The following FGF13 variants were observed in gnomAD, a reference collection of about 807,000 sequenced individuals.
The protein encoded by FGF13 is fibroblast growth factor homologous factor 2.
In FGF13, 2 loss-of-function variants were observed where a neutral mutation model predicts 19.5. That is an observed-to-expected ratio of 0.10 (90% CI 0.04 to 0.32). The LOEUF (loss-of-function observed/expected upper bound fraction) is 0.32, where lower values mean the gene tolerates loss of function less well. Ranked by LOEUF, FGF13 falls within the 10% of genes least tolerant of loss-of-function variation. The pLI is 1.00. For missense variants in FGF13, 113 were observed against 192.7 expected (o/e 0.59, Z 2.45); for synonymous variants, 72 against 76.9 (o/e 0.94, Z 0.33).
chrX:138,869,302 C>A (rs749040369), intron 1 of FGF13, among the ~76,000 whole-genome samples: 2 of 112,099 alleles, frequency 1.8e-5, no homozygotes, highest in African/African-American at 6.5e-5. Flanking sequence ...GTGGGCTGAT[C>A]TACAGAACCA....
chrX:138,790,584 C>G (rs951949622), intron 3 of FGF13, among the ~76,000 whole-genome samples: 3 of 111,906 alleles, frequency 2.7e-5, no homozygotes, highest in Non-Finnish European at 5.6e-5. Context: ...AACTCTTTCT[C>G]TCATCACCTT....
chrX:138,892,097 A>G (rs17001818), intron 1 of FGF13, among the ~76,000 whole-genome samples: 6,125 of 109,985 alleles, frequency 0.056, 510 homozygotes, highest in African/African-American at 0.19. Context: ...TAACAGGGAA[A>G]TAAGAGTTGA....
intron 1 of FGF13, among the ~76,000 whole-genome samples, chrX:139,168,624 C>T (rs2084105466): frequency 1.8e-5 from 2 of 111,775 alleles, no homozygotes; most frequent in Non-Finnish European, 3.8e-5. Flanking sequence ...AAGTTATTCA[C>T]GCCAAATTCA....
intron 1 of FGF13, among the ~76,000 whole-genome samples, chrX:138,906,661 G>A (rs1462737903): frequency 8.9e-6 from 1 of 112,213 alleles, no homozygotes; most frequent in Non-Finnish European, 1.9e-5. Flanking sequence ...CTCACTGAGT[G>A]TAACATTTGA....
chrX:138,772,456 G>A (rs2090554217), intron 3 of FGF13, among the ~76,000 whole-genome samples: 1 of 110,236 alleles, frequency 9.1e-6, no homozygotes, highest in South Asian at 3.9e-4. Flanking sequence ...TCAAATTATG[G>A]CACACTCAAC....
At chrX:138,853,828 G>C (rs947360698), downstream of FGF13, among the ~76,000 whole-genome samples, 2 of 111,265 alleles carry the variant, frequency 1.8e-5, no homozygotes, top group Admixed American at 9.6e-5. Flanking sequence ...ATTTTTCCCT[G>C]TAGATTTCCA....
intron 1 of FGF13, among the ~76,000 whole-genome samples, chrX:138,878,613 C>T (rs771515796): frequency 0.053 from 5,683 of 107,439 alleles, 431 homozygotes; most frequent in African/African-American, 0.19. Flanking sequence ...AATAAACATA[C>T]GTGTGCATGT....
intron 3 of FGF13, among the ~76,000 whole-genome samples, chrX:138,769,598 A>G (rs1017969416): frequency 8.9e-5 from 10 of 112,372 alleles, no homozygotes; most frequent in East Asian, 2.8e-4. Context: ...CGCTTGATAC[A>G]TGTTTTTACC....
At chrX:138,984,734 A>AGG in intron 1 of FGF13, among the ~76,000 whole-genome samples, 2 of 104,395 alleles carry the variant, frequency 1.9e-5, no homozygotes, top group Non-Finnish European at 2.0e-5. Context: ...CAAGAAGAAG[A>AGG]GAAGGAGGAG....
intron 1 of FGF13, among the ~76,000 whole-genome samples, chrX:138,870,056 A>T (rs2091349971): frequency 8.9e-6 from 1 of 112,282 alleles, no homozygotes; most frequent in African/African-American, 3.2e-5. Flanking sequence ...TGTCCTTAAA[A>T]TAGCGTTTAA....
At chrX:139,089,755 C>G (rs930600688) in intron 1 of FGF13, among the ~76,000 whole-genome samples, 1 of 112,249 alleles carries the variant, frequency 8.9e-6, no homozygotes, top group Non-Finnish European at 1.9e-5. Flanking sequence ...AGAAAAGATA[C>G]TTGTAGAGCT....
intron 1 of FGF13, among the ~76,000 whole-genome samples, chrX:139,036,160 C>T (rs768650906): frequency 1.8e-5 from 2 of 111,551 alleles, no homozygotes; most frequent in South Asian, 7.5e-4. Context: ...AGAAACATCC[C>T]GCCATCACAA....
intron 1 of FGF13, among the ~76,000 whole-genome samples, chrX:138,929,864 G>C (rs993017356): frequency 0.19 from 6,591 of 35,532 alleles, 203 homozygotes; most frequent in Admixed American, 0.28. Context: ...CTGTGTGTGT[G>C]TGTGTGTGTG....
At chrX:138,885,498 G>T (rs1330701266) in intron 1 of FGF13, among the ~76,000 whole-genome samples, 1 of 110,841 alleles carries the variant, frequency 9.0e-6, no homozygotes, top group Non-Finnish European at 1.9e-5. Flanking sequence ...TCTTTCCATG[G>T]GTCAGCCAAC....
intron 1 of FGF13, among the ~76,000 whole-genome samples, chrX:138,871,748 T>C (rs1409403321): frequency 9.1e-6 from 1 of 110,442 alleles, no homozygotes; most frequent in Non-Finnish European, 1.9e-5. Flanking sequence ...GGTCCTGAGA[T>C]AGGAGTGTGA....
At chrX:138,822,008 C>T (rs1410655783) in intron 3 of FGF13, among the ~76,000 whole-genome samples, 4 of 111,680 alleles carry the variant, frequency 3.6e-5, no homozygotes, top group Non-Finnish European at 1.9e-5. Context: ...ATGATGATGA[C>T]ATGATATGAT....
intron 1 of FGF13, among the ~76,000 whole-genome samples, chrX:139,063,215 T>G (rs1467327409): frequency 9.0e-6 from 1 of 111,445 alleles, no homozygotes; most frequent in Admixed American, 9.5e-5. Context: ...TATAACATTT[T>G]CTTCTTGTTT....
At chrX:139,131,252 C>A (rs1341440244) in intron 1 of FGF13, among the ~76,000 whole-genome samples, 1 of 111,094 alleles carries the variant, frequency 9.0e-6, no homozygotes, top group Non-Finnish European at 1.9e-5. Flanking sequence ...GTTCAAATCC[C>A]CACTCTATCA....
intron 1 of FGF13, among the ~76,000 whole-genome samples, chrX:139,162,837 A>G (rs190780154): frequency 4.3e-4 from 49 of 112,646 alleles, no homozygotes; most frequent in Non-Finnish European, 7.7e-4. Context: ...CAAAACCACA[A>G]TGAGATACCA....
Sources: allele counts gnomAD v4.1 joint callset (sites outside exome capture counted in the v4.1 genomes callset), GRCh38; gene constraint gnomAD v4.1.1; transcripts MANE v1.5; gene names NCBI Gene and HGNC (gene_info 2026-07-23, HGNC 2026-07-21).